Variants in DNMT3A observed in about 807,000 individuals in gnomAD.
DNMT3A encodes the protein DNA methyltransferase 3 alpha.
Under a neutral mutation model 117.6 loss-of-function variants are expected in DNMT3A, and 267 were observed. The ratio of observed to expected loss-of-function variants is 2.27; its 90% CI spans 2.05 to 2.51. DNMT3A has a LOEUF of 2.51. Among genes scored for constraint, DNMT3A ranks in the 30% most tolerant of loss-of-function variants. DNMT3A has a pLI of 0.00. For missense variants in DNMT3A, 1,029 were observed against 1,260.2 expected, an observed-to-expected ratio of 0.82 and a Z score of 2.78; for synonymous variants, 432 against 474.8, an observed-to-expected ratio of 0.91 and a Z score of 1.17.
rs1289448787 is a variant in DNMT3A at position 25,298,782 on chromosome 2, C to T, written c.177+1357G>A. Among the ~76,000 whole-genome samples the T allele has an allele frequency of 2.0e-5, 3 of 152,176 alleles. No individual in the cohort carries two copies. Among genetic ancestry groups the T allele is most frequent in the Admixed American group, 6.5e-5 (1 of 15,282 alleles). The stretch of plus-strand genomic sequence containing the variant: ...ATGAATTTCATTCATTACATATCCA[C>T]GTTTGCTTTAATATTAAAAGGTTTA... On this transcript the variant is annotated intron_variant, in intron 3 of 22. Transcript: ENST00000321117. This position sits in a 1 kb window ranked among gnomAD's most constrained non-coding sequence, Gnocchi z 4.3.
At chr2:25,271,332 A>G (rs1478063845) in intron 6 of DNMT3A, among the ~76,000 whole-genome samples, 2 of 152,334 alleles carry the variant, frequency 1.3e-5, no homozygotes, top group Non-Finnish European at 2.9e-5. Context: ...CCTTGACAAC[A>G]AGAGTGAAAC....
chr2:25,336,763 T>C (rs547515816), intron 1 of DNMT3A, among the ~76,000 whole-genome samples: 137 of 152,180 alleles, frequency 9.0e-4, no homozygotes, highest in African/African-American at 3.2e-3. Context: ...CAGCCTGGCC[T>C]CCAGCACAAC....
intron 6 of DNMT3A, among the ~76,000 whole-genome samples, chr2:25,266,145 C>G (rs2030320884): frequency 6.6e-6 from 1 of 152,198 alleles, no homozygotes; most frequent in Non-Finnish European, 1.5e-5. Context: ...ACTTTAGTAG[C>G]CTATGGTAAA....
At position 25,246,278 on chromosome 2, in the gene DNMT3A, C is replaced by T. The variant is rs766550494; in HGVS notation, c.1311G>A (p.Thr437=). ...CTGCCTCAGGTTCCACCCACATGTC[C>T]GTGTACACTTCTTTGTAGGGATTCT... The part of the protein sequence containing the change: ...EEKNPYKEVY[T]DMWVEPEAAA... Residue 437 remains threonine, a synonymous_variant, in exon 11 of 23, where the codon ACG becomes ACA. Transcript: ENST00000321117. The T allele has an allele frequency of 2.1e-5, 34 of 1,613,010 alleles. No homozygotes were observed. Among genetic ancestry groups the T allele is most frequent in the East Asian group, 4.5e-5 (2 of 44,896 alleles).
At chr2:25,270,833 G>A (rs1222039329) in intron 6 of DNMT3A, among the ~76,000 whole-genome samples, 2 of 152,194 alleles carry the variant, frequency 1.3e-5, no homozygotes, top group East Asian at 1.9e-4. Flanking sequence ...GAGGAGAAAT[G>A]TCTGTGCTGT....
intron 21 of DNMT3A, 53 bp from the exon 22 acceptor site, chr2:25,235,878 A>C: frequency 6.8e-7 from 1 of 1,478,232 alleles, no homozygotes. Flanking sequence ...ACCAGCCAAC[A>C]CTGGTCATGC....
chr2:25,279,261 C>A (rs1215788339), intron 4 of DNMT3A, among the ~76,000 whole-genome samples: 4 of 152,192 alleles, frequency 2.6e-5, no homozygotes, highest in African/African-American at 9.7e-5. Flanking sequence ...CATGCTCAGG[C>A]TACAAGAAAC....
At chr2:25,328,644 A>G (rs749668326) in intron 1 of DNMT3A, 12 of 519,642 alleles carry the variant, frequency 2.3e-5, no homozygotes, top group Non-Finnish European at 4.7e-5. Flanking sequence ...GGCAGAGAGG[A>G]CTGTGTGAAG....
Position 25,252,969 on chromosome 2 carries a change from T to A in DNMT3A, c.640-4717A>T, listed in dbSNP as rs1675775515. ...CCTCAAAAAGCGCGGCGTGAGGAGG[T>A]CAGGCTTCGAGTCCCAGGGCCCCTG... On this transcript the variant is annotated intron_variant, in intron 6 of 22. Coordinates refer to ENST00000321117, the MANE Select transcript of DNMT3A (RefSeq NM_022552.5). The surrounding 1 kb of genome is among the most constrained non-coding windows in gnomAD (Gnocchi z 5.5). Among the ~76,000 whole-genome samples the A allele has an allele frequency of 6.6e-6, 1 of 151,814 alleles. No homozygotes were observed. Among genetic ancestry groups the A allele is most frequent in the Non-Finnish European group, 1.5e-5 (1 of 67,942 alleles).
At chr2:25,249,416 A>G (rs1675248833) in intron 6 of DNMT3A, among the ~76,000 whole-genome samples, 1 of 152,174 alleles carries the variant, frequency 6.6e-6, no homozygotes, top group Admixed American at 6.5e-5. Context: ...GAAGCTCCCC[A>G]AGAGCCTGTC....
chr2:25,297,852 C>T (rs1379606130), intron 3 of DNMT3A, among the ~76,000 whole-genome samples: 1 of 152,194 alleles, frequency 6.6e-6, no homozygotes, highest in African/African-American at 2.4e-5. Flanking sequence ...CCAAGTGCCC[C>T]AGGAGGTGGA....
rs766767417 is a variant in DNMT3A, at chr2:25,234,345, C to A, written c.2673G>T (p.Arg891=). 1.2e-6 allele frequency: 2 copies of A among 1,614,058 alleles called. No individual in the cohort carries two copies. The highest frequency in any genetic ancestry group is 2.7e-5 in the African/African-American group (2 of 74,938). Residue 891 remains arginine, a synonymous_variant, in exon 23 of 23, where the codon CGG becomes CGT. Coordinates refer to ENST00000321117, the MANE Select transcript of DNMT3A (RefSeq NM_022552.5). This position sits in a 1 kb window ranked among gnomAD's most constrained non-coding sequence, Gnocchi z 4.5. ...GGCGGATGACTGGCACGCTCCATGACCGGCCCAGCAGTCTCTGCCTCGCCA... is the reference window on the plus strand; with the variant it reads ...GGCGGATGACTGGCACGCTCCATGAACGGCCCAGCAGTCTCTGCCTCGCCA... The part of the protein sequence containing the change: ...SRLARQRLLG[R]SWSVPVIRHL...
At chr2:25,325,434 C>T (rs1438489762) in intron 1 of DNMT3A, among the ~76,000 whole-genome samples, 1 of 152,122 alleles carries the variant, frequency 6.6e-6, no homozygotes, top group Non-Finnish European at 1.5e-5. Flanking sequence ...CGGAAGCGGC[C>T]CACGGTCATC....
chr2:25,310,344 T>G (rs1266137418), intron 2 of DNMT3A, among the ~76,000 whole-genome samples: 1 of 134,988 alleles, frequency 7.4e-6, no homozygotes, highest in African/African-American at 2.7e-5. Flanking sequence ...CCACCCTCCA[T>G]GAGGCCAGCC....
chr2:25,310,506 A>G (rs2034054773), intron 2 of DNMT3A, among the ~76,000 whole-genome samples: 1 of 151,908 alleles, frequency 6.6e-6, no homozygotes, highest in Non-Finnish European at 1.5e-5. Context: ...AGGGGGACAC[A>G]CACAGGCCAC....
At position 25,240,632 on chromosome 2, in the gene DNMT3A, G is replaced by A; in HGVS notation, c.2173+8C>T. ...CTGAGAAGGTGGAGGGGACAGGATG[G>A]TACCTACCGTAGAGGCCCTTGCGAG... On this transcript the variant is annotated splice_region_variant and intron_variant, in intron 18 of 22. Transcript: ENST00000321117. 1 of 1,614,168 alleles carries A rather than the reference G, an allele frequency of 6.2e-7. No homozygotes were observed. Among genetic ancestry groups the A allele is most frequent in the Non-Finnish European group, 8.5e-7 (1 of 1,180,000 alleles).
At chr2:25,309,667 C>T (rs774279439) in intron 2 of DNMT3A, among the ~76,000 whole-genome samples, 1 of 152,214 alleles carries the variant, frequency 6.6e-6, no homozygotes, top group Non-Finnish European at 1.5e-5. Context: ...TGACTCTAGG[C>T]AAGTGACTTA....
chr2:25,241,797 A>G, intron 16 of DNMT3A, 90 bp from the exon 17 acceptor site: 1 of 1,534,054 alleles, frequency 6.5e-7, no homozygotes, highest in South Asian at 1.2e-5. Context: ...AACAGGACCC[A>G]TGGGGTCAGC....
At chr2:25,340,950 G>C (rs1206381795) in intron 1 of DNMT3A, among the ~76,000 whole-genome samples, 2 of 138,344 alleles carry the variant, frequency 1.4e-5, no homozygotes, top group African/African-American at 2.6e-5. Flanking sequence ...CCCACGGCCC[G>C]CGGTGGGGAC....
Sources: allele counts gnomAD v4.1 joint callset (sites outside exome capture counted in the v4.1 genomes callset), GRCh38; gene constraint gnomAD v4.1.1; non-coding constraint Gnocchi (gnomAD v3.1); transcripts MANE v1.5; gene names NCBI Gene and HGNC (gene_info 2026-07-23, HGNC 2026-07-21).